The following KIF13B variants were observed in gnomAD, a reference collection of about 807,000 sequenced individuals.
KIF13B encodes the protein kinesin-like protein KIF13B.
In KIF13B, 127 loss-of-function variants were observed where a neutral mutation model predicts 222.0. That is an observed-to-expected ratio of 0.57 (90% confidence interval 0.50 to 0.66). KIF13B has a LOEUF of 0.66. Among genes scored for constraint, KIF13B ranks in the 30% least tolerant of loss-of-function variants. KIF13B has a pLI of 0.00. For missense variants in KIF13B, 2,173 were observed against 2,379.0 expected (o/e 0.91, Z 1.80); for synonymous variants, 976 against 919.0 (o/e 1.06, Z -1.12).
At chr8:29,222,572 A>G (rs1436037650) in intron 2 of KIF13B, among the ~76,000 whole-genome samples, 2 of 107,730 alleles carry the variant, frequency 1.9e-5, no homozygotes, top group Non-Finnish European at 3.5e-5. Context: ...ACAGGGTGTC[A>G]CTATATTGCT....
At chr8:29,201,266 T>C (rs1813680746) in intron 2 of KIF13B, among the ~76,000 whole-genome samples, 1 of 152,228 alleles carries the variant, frequency 6.6e-6, no homozygotes. Context: ...TGGCTGCATA[T>C]CTGGGATAAA....
chr8:29,174,067 TCAAA>T (rs1362636486), intron 10 of KIF13B, among the ~76,000 whole-genome samples: 1 of 152,220 alleles, frequency 6.6e-6, no homozygotes, highest in Non-Finnish European at 1.5e-5. Flanking sequence ...ATTACTACAT[TCAAA>T]CAAATGAACG....
intron 37 of KIF13B, among the ~76,000 whole-genome samples, chr8:29,076,250 A>G (rs1807554692): frequency 6.6e-6 from 1 of 152,096 alleles, no homozygotes; most frequent in Admixed American, 6.5e-5. Context: ...CCCCTACCCG[A>G]CTGCAGGAAC....
At chr8:29,154,643 G>A (rs1484774524) in intron 14 of KIF13B, among the ~76,000 whole-genome samples, 1 of 152,152 alleles carries the variant, frequency 6.6e-6, no homozygotes, top group African/African-American at 2.4e-5. Context: ...TCAGAGAAGG[G>A]TATTCTTTGG....
chr8:29,216,229 A>C (rs1463939484), intron 2 of KIF13B, among the ~76,000 whole-genome samples: 2 of 152,214 alleles, frequency 1.3e-5, no homozygotes, highest in Admixed American at 1.3e-4. Context: ...AGTAATAAGG[A>C]AGGCATATCA....
At chr8:29,250,698 G>A (rs1343529688) in intron 1 of KIF13B, among the ~76,000 whole-genome samples, 3 of 152,218 alleles carry the variant, frequency 2.0e-5, no homozygotes, top group African/African-American at 7.2e-5. Context: ...TCAAAGGACT[G>A]TTGAGAATAT....
chr8:29,113,393 G>A (rs1809446045), intron 32 of KIF13B, 70 bp downstream of exon 32: 1 of 866,660 alleles, frequency 1.2e-6, no homozygotes, highest in African/African-American at 1.7e-5. Flanking sequence ...GTCATGGGTA[G>A]GTCACTTTTC....
At chr8:29,123,209 A>C (rs898378006) in intron 28 of KIF13B, among the ~76,000 whole-genome samples, 157 bp downstream of exon 28, 4 of 152,258 alleles carry the variant, frequency 2.6e-5, no homozygotes, top group Admixed American at 2.0e-4. Flanking sequence ...ATAGTTATTC[A>C]ACTCATGAAA....
intron 37 of KIF13B, among the ~76,000 whole-genome samples, chr8:29,082,389 A>G (rs1807851165): frequency 6.6e-6 from 1 of 152,208 alleles, no homozygotes; most frequent in Middle Eastern, 3.2e-3. Flanking sequence ...TGGAAAAGAT[A>G]TCGCTTCTGA....
chr8:29,095,627 C>T (rs77731073), intron 36 of KIF13B, among the ~76,000 whole-genome samples: 53 of 152,094 alleles, frequency 3.5e-4, no homozygotes, highest in Non-Finnish European at 7.1e-4. Context: ...ATTGGCCAGG[C>T]GTGGTGGCAC....
intron 2 of KIF13B, among the ~76,000 whole-genome samples, chr8:29,229,358 T>C (rs1815184192): frequency 6.6e-6 from 1 of 152,236 alleles, no homozygotes; most frequent in African/African-American, 2.4e-5. Context: ...TCTGCCACTT[T>C]CTGATCATGT....
upstream of KIF13B, among the ~76,000 whole-genome samples, chr8:29,263,346 G>A (rs1386536229): frequency 6.6e-6 from 1 of 152,252 alleles, no homozygotes; most frequent in Admixed American, 6.5e-5. Flanking sequence ...CCAGTATTGA[G>A]AAGTAAGCCT....
intron 1 of KIF13B, among the ~76,000 whole-genome samples, chr8:29,261,641 C>T (rs1816682593): frequency 6.6e-6 from 1 of 151,948 alleles, no homozygotes; most frequent in Non-Finnish European, 1.5e-5. Flanking sequence ...AGAATTGTAT[C>T]GACGTTTATT....
intron 1 of KIF13B, 81 bp downstream of exon 1, chr8:29,262,899 A>AC (rs1326434273): frequency 2.8e-6 from 3 of 1,080,510 alleles, no homozygotes; most frequent in Admixed American, 3.3e-5. Context: ...GGGCCGCCGG[A>AC]CCCCCCACGG....
intron 35 of KIF13B, among the ~76,000 whole-genome samples, chr8:29,101,180 G>C (rs1407131147): frequency 6.6e-6 from 1 of 152,178 alleles, no homozygotes; most frequent in Non-Finnish European, 1.5e-5. Flanking sequence ...TGATCTGTCT[G>C]GGAAGCTGCG....
At chr8:29,182,595 T>C (rs1812757373) in intron 6 of KIF13B, among the ~76,000 whole-genome samples, 1 of 151,800 alleles carries the variant, frequency 6.6e-6, no homozygotes, top group Admixed American at 6.6e-5. Context: ...ATTAAGTTTT[T>C]TTTTTTTTAA....
intron 18 of KIF13B, among the ~76,000 whole-genome samples, chr8:29,145,226 G>A (rs1052058326): frequency 4.6e-5 from 7 of 152,088 alleles, no homozygotes; most frequent in African/African-American, 7.2e-5. Flanking sequence ...GTAAAGTAAC[G>A]ATCATATCAT....
intron 32 of KIF13B, among the ~76,000 whole-genome samples, chr8:29,113,013 T>C (rs180997451): frequency 2.7e-4 from 41 of 152,364 alleles, no homozygotes; most frequent in African/African-American, 9.1e-4. Flanking sequence ...ATTGTCTCAT[T>C]TGATCCTTAA....
chr8:29,218,608 T>A (rs1016080305), intron 2 of KIF13B, among the ~76,000 whole-genome samples: 1 of 152,098 alleles, frequency 6.6e-6, no homozygotes, highest in African/African-American at 2.4e-5. Flanking sequence ...ATTAATAGAA[T>A]GGCACGGCTA....
Sources: allele counts gnomAD v4.1 joint callset (sites outside exome capture counted in the v4.1 genomes callset), GRCh38; gene constraint gnomAD v4.1.1; transcripts MANE v1.5; gene names NCBI Gene and HGNC (gene_info 2026-07-23, HGNC 2026-07-21).